Variants in MAP2K5 observed in about 807,000 individuals in gnomAD.
MAP2K5 encodes dual specificity mitogen-activated protein kinase kinase 5.
A neutral mutation model predicts 83.1 loss-of-function variants in MAP2K5; 49 were observed. The ratio of observed to expected loss-of-function variants is 0.59; its 90% CI spans 0.47 to 0.75. The LOEUF (loss-of-function observed/expected upper bound fraction) is 0.75. Ranked by LOEUF, MAP2K5 falls within the 30% of genes least tolerant of loss-of-function variation. MAP2K5 has a pLI of 0.00. For synonymous variants in MAP2K5, 202 were observed against 191.8 expected (o/e 1.05, Z -0.44); for missense variants, 457 against 557.5 (o/e 0.82, Z 1.82).
In MAP2K5 at chr15:67,668,008, A is replaced by G. The variant is rs1328131534; in HGVS notation, c.847+3363A>G. Among the ~76,000 whole-genome samples, 1 of 152,186 alleles carries G rather than the reference A, an allele frequency of 6.6e-6. No homozygotes were observed. Among genetic ancestry groups the G allele is most frequent in the East Asian group, 1.9e-4 (1 of 5,198 alleles). Reference sequence around the variant, plus strand: ...TCTGGTAAAAGTTAGTTTATTTGATAGTATATTATGTTAACTGGAAATTGT... The same window carrying G: ...TCTGGTAAAAGTTAGTTTATTTGATGGTATATTATGTTAACTGGAAATTGT... On this transcript the variant is annotated intron_variant, in intron 13 of 21. Transcript: ENST00000178640. This position sits in a 1 kb window ranked among gnomAD's most constrained non-coding sequence, Gnocchi z 4.0.
Position 67,565,031 on chromosome 15 carries a change from G to C in MAP2K5, c.252+1681G>C, listed in dbSNP as rs1427495209. ...TTTAGTTTTAATAATCACTCTGTAAGACAGATATTATCATCCTTATTTTTT... is the reference window on the plus strand; with the variant it reads ...TTTAGTTTTAATAATCACTCTGTAACACAGATATTATCATCCTTATTTTTT... On this transcript the variant is annotated intron_variant, in intron 3 of 21. Transcript: ENST00000178640. The surrounding 1 kb of genome is among the most constrained non-coding windows in gnomAD (Gnocchi z 4.1). Among the ~76,000 whole-genome samples, 2 of 152,142 alleles carry C rather than the reference G, an allele frequency of 1.3e-5. No individual in the cohort carries two copies. Among genetic ancestry groups the C allele is most frequent in the Non-Finnish European group, 2.9e-5 (2 of 68,028 alleles).
intron 8 of MAP2K5, among the ~76,000 whole-genome samples, chr15:67,619,142 G>C (rs1426843875): frequency 6.6e-6 from 1 of 151,990 alleles, no homozygotes; most frequent in East Asian, 1.9e-4. Context: ...CCTCTACCTG[G>C]AATCCCCTTC....
Position 67,748,450 on chromosome 15 carries a change from T to C in MAP2K5, c.1102-119T>C. 1.1e-6 allele frequency: 1 copy of C among 903,884 alleles called. No homozygotes were observed. The highest frequency in any genetic ancestry group is 1.7e-6 in the Non-Finnish European group (1 of 574,478). 56.0% of individuals were successfully genotyped at this position (903,884 alleles called of 1,614,324 possible). On this transcript the variant is annotated intron_variant, in intron 18 of 21. Coordinates refer to ENST00000178640, the MANE Select transcript of MAP2K5 (RefSeq NM_145160.3). This position sits in a 1 kb window ranked among gnomAD's most constrained non-coding sequence, Gnocchi z 4.0. Reference sequence around the variant, plus strand: ...CTGAGCATCAATGTTTTTATAAGAGTTTGCTGTTGTTGATTAATCTTGCTA... The same window carrying C: ...CTGAGCATCAATGTTTTTATAAGAGCTTGCTGTTGTTGATTAATCTTGCTA...
chr15:67,667,857 G>A (rs1251182326), intron 13 of MAP2K5, among the ~76,000 whole-genome samples: 2 of 152,108 alleles, frequency 1.3e-5, no homozygotes, highest in African/African-American at 4.8e-5. Context: ...CGTAGTTAAT[G>A]GCTTCCAAAC....
intron 5 of MAP2K5, 85 bp from the exon 6 acceptor site, chr15:67,586,761 A>G (rs772713817): frequency 4.5e-5 from 56 of 1,248,360 alleles, no homozygotes; most frequent in Non-Finnish European, 5.9e-6. Context: ...TCATAGTGAA[A>G]TGAGAAATTT....
rs1268948447 is a variant in MAP2K5, at chr15:67,736,302, C to T, written c.1074+8357C>T. 6.6e-6 allele frequency among the ~76,000 whole-genome samples: 1 copy of T among 152,226 alleles called. No individual in the cohort carries two copies. Among genetic ancestry groups the T allele is most frequent in the Non-Finnish European group, 1.5e-5 (1 of 68,044 alleles). On this transcript the variant is annotated intron_variant, in intron 17 of 21. Coordinates refer to ENST00000178640, the MANE Select transcript of MAP2K5 (RefSeq NM_145160.3). This position sits in a 1 kb window ranked among gnomAD's most constrained non-coding sequence, Gnocchi z 4.3. ...TCTCTGCCCTTGAGGACAGTTGGCA[C>T]ATGCCCCTGAGGGGTTCCCTGCCAC...
chr15:67,589,512 C>G (rs769192602), intron 6 of MAP2K5, among the ~76,000 whole-genome samples: 10 of 152,204 alleles, frequency 6.6e-5, no homozygotes, highest in Non-Finnish European at 1.5e-4. Context: ...GATGATTAAA[C>G]TTTCCATCTA....
intron 8 of MAP2K5, among the ~76,000 whole-genome samples, chr15:67,623,289 T>C (rs190159911): frequency 4.6e-5 from 7 of 152,274 alleles, no homozygotes; most frequent in Non-Finnish European, 8.8e-5. Context: ...AATAAACTTA[T>C]AGTAGTGGGC....
At chr15:67,628,524 T>C in intron 8 of MAP2K5, 1 of 777,286 alleles carries the variant, frequency 1.3e-6, no homozygotes, top group Non-Finnish European at 2.2e-6. Context: ...CTGAGGAATA[T>C]CACCTAAGAG....
chr15:67,639,551 C>G (rs911619584), intron 9 of MAP2K5, among the ~76,000 whole-genome samples: 3 of 152,186 alleles, frequency 2.0e-5, no homozygotes, highest in African/African-American at 7.2e-5. Context: ...CGGTGACCCC[C>G]CTGCCGGCGC....
chr15:67,698,895 G>A lies in MAP2K5; in HGVS notation c.973-4442G>A, dbSNP rs1411245042. 1.3e-5 allele frequency among the ~76,000 whole-genome samples: 2 copies of A among 152,102 alleles called. No individual in the cohort carries two copies. Among genetic ancestry groups the A allele is most frequent in the Admixed American group, 6.6e-5 (1 of 15,266 alleles). On this transcript the variant is annotated intron_variant, in intron 15 of 21. Coordinates refer to ENST00000178640, the MANE Select transcript of MAP2K5 (RefSeq NM_145160.3). The surrounding 1 kb of genome is among the most constrained non-coding windows in gnomAD (Gnocchi z 4.5). ...TGTGGCACGTACTGAAGCACATTACGGGATTCATTTAATCTTCACACAACC... is the reference window on the plus strand; with the variant it reads ...TGTGGCACGTACTGAAGCACATTACAGGATTCATTTAATCTTCACACAACC...
chr15:67,789,411 A>G (rs1344858329), intron 21 of MAP2K5, among the ~76,000 whole-genome samples: 1 of 152,030 alleles, frequency 6.6e-6, no homozygotes, highest in Non-Finnish European at 1.5e-5. Flanking sequence ...TGCCAACCTA[A>G]TCAGTGGCAA....
In MAP2K5 at chr15:67,769,752, TGCATCCTTTTG is replaced by T; in HGVS notation, c.1196+91_1196+101del. The T allele has an allele frequency of 3.0e-6, 4 of 1,319,338 alleles. No homozygotes were observed. The highest frequency in any genetic ancestry group is 4.3e-6 in the Non-Finnish European group (4 of 922,920). 81.7% of individuals were successfully genotyped at this position (1,319,338 alleles called of 1,614,324 possible). A position where few individuals can be genotyped will look rare whatever the true frequency, so the allele number is the denominator to read the frequency against. ...CTCCGTGAGACCTTATGGCTCTCCC[TGCATCCTTTTG>T]GAGACAGGAGGGACTTCGGGGCCTT... On this transcript the variant is annotated intron_variant, in intron 20 of 21. Coordinates refer to ENST00000178640, the MANE Select transcript of MAP2K5 (RefSeq NM_145160.3). The surrounding 1 kb of genome is among the most constrained non-coding windows in gnomAD (Gnocchi z 5.2).
rs151020453 is a variant in MAP2K5, at chr15:67,805,265, G to A, written c.1243-1381G>A. On this transcript the variant is annotated intron_variant, in intron 21 of 21. Transcript: ENST00000178640. Reference sequence around the variant, plus strand: ...AGGTTTCCCAACCTCGAATGAGAAGGTTGGGGGCGGGCACTGCATCAGCCT... The same window carrying A: ...AGGTTTCCCAACCTCGAATGAGAAGATTGGGGGCGGGCACTGCATCAGCCT... Among the ~76,000 whole-genome samples, 439 of 152,352 alleles carry A rather than the reference G, an allele frequency of 2.9e-3. 1 individual carries two copies. Among genetic ancestry groups the A allele is most frequent in the African/African-American group, 0.01 (423 of 41,588 alleles).
intron 9 of MAP2K5, chr15:67,642,388 C>G: frequency 6.3e-7 from 1 of 1,582,800 alleles, no homozygotes; most frequent in Middle Eastern, 1.7e-4. Context: ...GGCGCATAGC[C>G]ACTCTAATCT....
At chr15:67,634,566 C>T (rs1333719676) in intron 9 of MAP2K5, among the ~76,000 whole-genome samples, 1 of 151,670 alleles carries the variant, frequency 6.6e-6, no homozygotes, top group Non-Finnish European at 1.5e-5. Context: ...TAATTGTGGC[C>T]TACAGTTCTG....
rs2088068886 is a variant in MAP2K5 at position 67,690,195 on chromosome 15, CATG to C, written c.848-2281_848-2279del. ...AGAAAAATATTTAAAACTGAGGGCC[CATG>C]ATAAGAACTAGATTTGAAAAATAAG... On this transcript the variant is annotated intron_variant, in intron 13 of 21. Coordinates refer to ENST00000178640, the MANE Select transcript of MAP2K5 (RefSeq NM_145160.3). The surrounding 1 kb of genome is among the most constrained non-coding windows in gnomAD (Gnocchi z 4.3). 6.6e-6 allele frequency among the ~76,000 whole-genome samples: 1 copy of C among 152,066 alleles called. No homozygotes were observed. The highest frequency in any genetic ancestry group is 2.1e-4 in the South Asian group (1 of 4,824).
At chr15:67,620,930 G>C (rs1221202493) in intron 8 of MAP2K5, among the ~76,000 whole-genome samples, 1 of 152,034 alleles carries the variant, frequency 6.6e-6, no homozygotes, top group Non-Finnish European at 1.5e-5. Flanking sequence ...AAATGAATTA[G>C]GTGGTAGAAA....
intron 19 of MAP2K5, among the ~76,000 whole-genome samples, chr15:67,754,395 A>G (rs1261620806): frequency 6.6e-6 from 1 of 152,252 alleles, no homozygotes; most frequent in Non-Finnish European, 1.5e-5. Context: ...TCCATTTCGT[A>G]GAAGACTACC....
Sources: allele counts gnomAD v4.1 joint callset (sites outside exome capture counted in the v4.1 genomes callset), GRCh38; gene constraint gnomAD v4.1.1; non-coding constraint Gnocchi (gnomAD v3.1); transcripts MANE v1.5; gene names NCBI Gene and HGNC (gene_info 2026-07-23, HGNC 2026-07-21).